EYA1: variants seen among roughly 807,000 people sequenced by gnomAD.
EYA1 encodes the protein EYA transcriptional coactivator and phosphatase 1.
Under a neutral mutation model 82.0 loss-of-function variants are expected in EYA1, and 16 were observed. The observed-to-expected ratio is 0.20, with a 90% CI of 0.13 to 0.30. The LOEUF is 0.30. Ranked by LOEUF, EYA1 falls within the 10% of genes least tolerant of loss-of-function variation. EYA1 has a pLI of 1.00. For missense variants in EYA1, 633 were observed against 730.7 expected (o/e 0.87, Z 1.54); for synonymous variants, 261 against 264.4 (o/e 0.99, Z 0.12).
At chr8:71,421,008 A>G (rs1831118974) in intron 2 of EYA1, among the ~76,000 whole-genome samples, 1 of 152,188 alleles carries the variant, frequency 6.6e-6, no homozygotes, top group African/African-American at 2.4e-5. Flanking sequence ...GGTCATGTCC[A>G]AATTTTGCAT....
chr8:71,212,517 A>C (rs1049961952), intron 16 of EYA1, among the ~76,000 whole-genome samples: 1 of 152,218 alleles, frequency 6.6e-6, no homozygotes, highest in Admixed American at 6.5e-5. Context: ...AGGTAAATTC[A>C]ATGTAATTTA....
intron 12 of EYA1, among the ~76,000 whole-genome samples, chr8:71,231,737 G>A (rs1049414057): frequency 2.6e-5 from 4 of 152,206 alleles, no homozygotes; most frequent in Non-Finnish European, 5.9e-5. Context: ...TTTTTAGTCT[G>A]TGATGTAGGG....
At chr8:71,453,332 T>C (rs1001699677) in intron 2 of EYA1, among the ~76,000 whole-genome samples, 10 of 152,292 alleles carry the variant, frequency 6.6e-5, no homozygotes, top group African/African-American at 2.4e-4. Flanking sequence ...TGGAACCAAG[T>C]TGGAAAACAC....
intron 2 of EYA1, among the ~76,000 whole-genome samples, chr8:71,497,351 A>G (rs549805463): frequency 2.0e-5 from 3 of 152,338 alleles, no homozygotes; most frequent in South Asian, 4.1e-4. Flanking sequence ...AGGGATTAAC[A>G]TGCAAAATAT....
chr8:71,246,245 T>G (rs768769315), intron 11 of EYA1, among the ~76,000 whole-genome samples: 15 of 152,210 alleles, frequency 9.9e-5, no homozygotes, highest in Non-Finnish European at 1.9e-4. Flanking sequence ...TATTTTATTG[T>G]CACGGCAAAC....
chr8:71,448,514 A>G (rs911219803), intron 2 of EYA1, among the ~76,000 whole-genome samples: 14 of 152,072 alleles, frequency 9.2e-5, no homozygotes, highest in African/African-American at 2.9e-4. Flanking sequence ...CAACTTACCC[A>G]TGGAGGGCTG....
intron 2 of EYA1, among the ~76,000 whole-genome samples, chr8:71,528,536 C>G (rs1251649108): frequency 6.6e-6 from 1 of 152,194 alleles, no homozygotes; most frequent in Non-Finnish European, 1.5e-5. Context: ...CCAAGCCAGC[C>G]TTGCCTGTTC....
At chr8:71,272,711 T>G (rs1485230819) in intron 9 of EYA1, among the ~76,000 whole-genome samples, 1 of 152,202 alleles carries the variant, frequency 6.6e-6, no homozygotes, top group Admixed American at 6.5e-5. Context: ...AGCCATTTAC[T>G]CACACCAATT....
At chr8:71,284,172 T>C (rs1164900152) in intron 9 of EYA1, among the ~76,000 whole-genome samples, 1 of 152,198 alleles carries the variant, frequency 6.6e-6, no homozygotes, top group South Asian at 2.1e-4. Context: ...GGCTGCCACC[T>C]TCTTCTGGAG....
chr8:71,298,470 A>T (rs1288738442), intron 9 of EYA1, among the ~76,000 whole-genome samples: 2 of 152,216 alleles, frequency 1.3e-5, no homozygotes, highest in African/African-American at 4.8e-5. Context: ...TATCAAAGAC[A>T]TCATGTAGGA....
intron 2 of EYA1, among the ~76,000 whole-genome samples, chr8:71,414,272 C>T (rs937310259): frequency 6.6e-6 from 1 of 152,152 alleles, no homozygotes; most frequent in Non-Finnish European, 1.5e-5. Flanking sequence ...CAGCAGCTCT[C>T]CCAGTGGCTC....
chr8:71,322,232 T>C lies in EYA1; in HGVS notation c.239A>G (p.His80Arg). 1 of 1,614,064 alleles carries C rather than the reference T, an allele frequency of 6.2e-7. No individual in the cohort carries two copies. The part of the protein sequence containing the change: ...GSSSFSPRPT[H>R]QFSPPQIYPS... ...GTAAATCTGTGGTGGAGAGAACTGG[T>C]GAGTTGGTCGTGGGCTGAAACTACT... Residue 80 changes from histidine (H) to arginine (R), a missense_variant, in exon 5 of 18, where the codon CAC becomes CGC. His to Arg is a conservative substitution (Grantham distance 29, BLOSUM62 0). Transcript: ENST00000340726.
chr8:71,368,174 T>G (rs921973112), intron 2 of EYA1, among the ~76,000 whole-genome samples: 1 of 152,120 alleles, frequency 6.6e-6, no homozygotes, highest in African/African-American at 2.4e-5. Flanking sequence ...TTAGTATGTT[T>G]TAAATGTGGA....
chr8:71,359,134 T>C (rs1328315246), intron 1 of EYA1, among the ~76,000 whole-genome samples: 1 of 152,146 alleles, frequency 6.6e-6, no homozygotes, highest in Admixed American at 6.5e-5. Flanking sequence ...GTTGTGAAAA[T>C]ACAAATAGCA....
chr8:71,512,885 A>G (rs1812703124), intron 2 of EYA1, among the ~76,000 whole-genome samples: 1 of 152,200 alleles, frequency 6.6e-6, no homozygotes, highest in Non-Finnish European at 1.5e-5. Flanking sequence ...AGAGAAAACT[A>G]TCAAATGTAA....
chr8:71,227,502 T>C (rs905016554), intron 12 of EYA1, among the ~76,000 whole-genome samples: 2 of 152,216 alleles, frequency 1.3e-5, no homozygotes, highest in Non-Finnish European at 2.9e-5. Flanking sequence ...AGAACTTTCA[T>C]CCTTTTCTGC....
intron 2 of EYA1, among the ~76,000 whole-genome samples, chr8:71,445,691 T>C (rs1261122526): frequency 1.3e-5 from 2 of 152,190 alleles, no homozygotes; most frequent in East Asian, 1.9e-4. Context: ...GGCTGGAGTG[T>C]GCAGTGGCAC....
intron 2 of EYA1, among the ~76,000 whole-genome samples, chr8:71,394,761 T>A (rs1379608161): frequency 6.6e-6 from 1 of 152,146 alleles, no homozygotes; most frequent in African/African-American, 2.4e-5. Flanking sequence ...TTTAGGATTG[T>A]CTTGGCAATG....
intron 2 of EYA1, among the ~76,000 whole-genome samples, chr8:71,460,165 C>T (rs1299689996): frequency 1.3e-5 from 2 of 152,140 alleles, no homozygotes; most frequent in African/African-American, 4.8e-5. Context: ...TCTATGTAAA[C>T]AAGTAATTAT....
Sources: gnomAD v4.1 joint callset for allele counts (sites outside exome capture counted in the v4.1 genomes callset) on GRCh38, gnomAD v4.1.1 for gene constraint, MANE v1.5 for transcripts, NCBI Gene and HGNC (gene_info 2026-07-23, HGNC 2026-07-21) for gene names.